Variants in CPQ observed in about 807,000 individuals in gnomAD.
The protein encoded by CPQ is carboxypeptidase Q.
CPQ carries 37 observed loss-of-function variants against 45.7 expected under a neutral mutation model. The ratio of observed to expected loss-of-function variants is 0.81; its 90% CI spans 0.62 to 1.07. CPQ has a LOEUF of 1.07. CPQ is among the 50% of genes least tolerant of loss of function. CPQ has a pLI of 0.00. For synonymous variants in CPQ, 186 were observed against 205.8 expected, an observed-to-expected ratio of 0.90 and a Z score of 0.82; for missense variants, 537 against 572.9, an observed-to-expected ratio of 0.94 and a Z score of 0.64.
chr8:96,720,725 A>C (rs897536274), intron 1 of CPQ, among the ~76,000 whole-genome samples: 1 of 152,172 alleles, frequency 6.6e-6, no homozygotes, highest in Non-Finnish European at 1.5e-5. Flanking sequence ...ATGAAGTTTT[A>C]ATACCACAGA....
At chr8:96,699,225 G>GGTACA (rs113666722) in intron 1 of CPQ, among the ~76,000 whole-genome samples, 100 of 152,226 alleles carry the variant, frequency 6.6e-4, no homozygotes, top group Admixed American at 1.9e-3. Flanking sequence ...AAACAAGCCA[G>GGTACA]GTACAGAAAG....
intron 6 of CPQ, among the ~76,000 whole-genome samples, chr8:97,037,811 T>G (rs983056749): frequency 1.3e-5 from 2 of 152,206 alleles, no homozygotes; most frequent in African/African-American, 4.8e-5. Context: ...TATATCAATG[T>G]ATGCCAGTCT....
At chr8:96,737,789 A>C (rs893445031) in intron 1 of CPQ, among the ~76,000 whole-genome samples, 3 of 150,680 alleles carry the variant, frequency 2.0e-5, no homozygotes, top group Non-Finnish European at 4.4e-5. Context: ...CTTGTTTCTT[A>C]TTATAAGTAT....
chr8:96,808,064 A>G (rs1408343041), intron 2 of CPQ, among the ~76,000 whole-genome samples: 2 of 152,202 alleles, frequency 1.3e-5, no homozygotes, highest in African/African-American at 4.8e-5. Flanking sequence ...TACTGAGATC[A>G]TGACTGCATC....
intron 1 of CPQ, among the ~76,000 whole-genome samples, chr8:96,745,689 A>C (rs1473259620): frequency 6.6e-6 from 1 of 152,234 alleles, no homozygotes; most frequent in Non-Finnish European, 1.5e-5. Flanking sequence ...GTATGACTCT[A>C]AAACCCTTGT....
chr8:97,047,566 C>A (rs778815398), intron 6 of CPQ, among the ~76,000 whole-genome samples: 3 of 152,158 alleles, frequency 2.0e-5, no homozygotes, highest in Non-Finnish European at 2.9e-5. Context: ...TTTATATTCA[C>A]ACTTTCTTGG....
At chr8:96,934,294 T>A (rs4469425) in intron 4 of CPQ, among the ~76,000 whole-genome samples, 73,579 of 152,012 alleles carry the variant, frequency 0.48, 19,948 homozygotes, top group African/African-American at 0.75. Context: ...TTACTGTGTG[T>A]TGCTATGGCA....
At chr8:97,086,622 C>T (rs909968790) in intron 7 of CPQ, among the ~76,000 whole-genome samples, 3 of 152,050 alleles carry the variant, frequency 2.0e-5, no homozygotes, top group African/African-American at 7.2e-5. Flanking sequence ...AGCTACACAC[C>T]CACCCTCACA....
At chr8:97,042,385 T>C (rs1810144730) in intron 6 of CPQ, among the ~76,000 whole-genome samples, 1 of 152,100 alleles carries the variant, frequency 6.6e-6, no homozygotes, top group Admixed American at 6.5e-5. Flanking sequence ...TTTTCTTCTT[T>C]ATTAGTCTTG....
rs191135624 is a variant in CPQ, at chr8:97,094,435, C to A, written c.1255+28225C>A. Among the ~76,000 whole-genome samples, 3 of 152,260 alleles carry A rather than the reference C, an allele frequency of 2.0e-5. No individual in the cohort carries two copies. In the East Asian group the frequency reaches 5.8e-4, roughly 29 times the overall value. On this transcript the variant is annotated intron_variant, in intron 7 of 7. Coordinates refer to ENST00000220763, the MANE Select transcript of CPQ (RefSeq NM_016134.4). ...CATCTTAGATCAATTCACTCCTCTA[C>A]CTTCGCTGCCCCATCCATGCCAGAC...
At chr8:97,086,160 G>GAGTT (rs1267917568) in intron 7 of CPQ, among the ~76,000 whole-genome samples, 2 of 152,134 alleles carry the variant, frequency 1.3e-5, no homozygotes, top group Non-Finnish European at 2.9e-5. Context: ...ACTGTTCAAT[G>GAGTT]AGTTAGAAAT....
At chr8:96,792,075 T>C (rs916019087) in intron 2 of CPQ, among the ~76,000 whole-genome samples, 12 of 152,188 alleles carry the variant, frequency 7.9e-5, no homozygotes, top group African/African-American at 2.9e-4. Context: ...TGTTAGTTTA[T>C]GCACTCTTCT....
chr8:96,774,837 A>G (rs1246680127), intron 1 of CPQ, among the ~76,000 whole-genome samples: 2 of 152,206 alleles, frequency 1.3e-5, no homozygotes, highest in Non-Finnish European at 2.9e-5. Flanking sequence ...AGTGTAAACA[A>G]TATATTTAAT....
chr8:96,712,172 A>G (rs958267339), intron 1 of CPQ, among the ~76,000 whole-genome samples: 1 of 152,206 alleles, frequency 6.6e-6, no homozygotes, highest in Non-Finnish European at 1.5e-5. Flanking sequence ...CAGAAGGTGG[A>G]CATCCATGGT....
chr8:96,856,446 A>G (rs1484312786), intron 3 of CPQ, among the ~76,000 whole-genome samples: 1 of 152,204 alleles, frequency 6.6e-6, no homozygotes, highest in Non-Finnish European at 1.5e-5. Flanking sequence ...TTAATGGCAC[A>G]TATTTTTATT....
intron 6 of CPQ, among the ~76,000 whole-genome samples, chr8:97,041,326 A>C (rs535245059): frequency 5.4e-4 from 82 of 152,244 alleles, no homozygotes; most frequent in Non-Finnish European, 1.0e-3. Context: ...ATTTTTGTAC[A>C]TTGATTTTGT....
intron 4 of CPQ, among the ~76,000 whole-genome samples, chr8:96,957,112 A>C (rs1190628334): frequency 6.6e-6 from 1 of 152,170 alleles, no homozygotes; most frequent in Non-Finnish European, 1.5e-5. Flanking sequence ...ATCCAAATAA[A>C]AGTTGTTCTC....
At chr8:96,892,521 AG>A (rs560380984) in intron 4 of CPQ, among the ~76,000 whole-genome samples, 9 of 152,204 alleles carry the variant, frequency 5.9e-5, no homozygotes, top group Non-Finnish European at 1.3e-4. Context: ...GGAAAGTTTC[AG>A]GGGGGTGGGG....
intron 1 of CPQ, among the ~76,000 whole-genome samples, chr8:96,728,459 G>A (rs1809871469): frequency 2.0e-5 from 3 of 152,056 alleles, no homozygotes; most frequent in African/African-American, 2.4e-5. Context: ...AACTAAAACA[G>A]CAGTTTTTTG....
Sources: gnomAD v4.1 joint callset for allele counts (sites outside exome capture counted in the v4.1 genomes callset) on GRCh38, gnomAD v4.1.1 for gene constraint, MANE v1.5 for transcripts, NCBI Gene and HGNC (gene_info 2026-07-23, HGNC 2026-07-21) for gene names.